BPIFC: variants seen among roughly 807,000 people sequenced by gnomAD.
The protein encoded by BPIFC is BPI fold-containing family C protein.
A neutral mutation model predicts 57.6 loss-of-function variants in BPIFC; 60 were observed. The observed-to-expected ratio is 1.04, with a 90% CI of 0.85 to 1.29. The LOEUF (loss-of-function observed/expected upper bound fraction) is 1.29. Ranked by LOEUF, BPIFC falls within the 50% of genes most tolerant of loss-of-function variation. The pLI is 0.00. For synonymous variants in BPIFC, 243 were observed against 224.5 expected (o/e 1.08, Z -0.74); for missense variants, 581 against 600.5 (o/e 0.97, Z 0.34).
rs575658270 is a variant in BPIFC, at chr22:32,446,750, T to G, written c.374+462A>C. The stretch of plus-strand genomic sequence containing the variant: ...AAGTACCTTGAATCTGATTTCCTCC[T>G]TCTACACGAGGGTGCAAAGGCCTTC... On this transcript the variant is annotated intron_variant, in intron 5 of 16. Coordinates refer to ENST00000300399, the MANE Select transcript of BPIFC (RefSeq NM_174932.3). 199 of 985,230 alleles carry G rather than the reference T, an allele frequency of 2.0e-4. 1 individual carries two copies. The African/African-American group carries it at 3.2e-3, about 16-fold the overall frequency. 61.0% of individuals were successfully genotyped at this position (985,230 alleles called of 1,614,324 possible). A position where few individuals can be genotyped will look rare whatever the true frequency, so the allele number is the denominator to read the frequency against.
chr22:32,429,343 G>C (rs1406560392), intron 13 of BPIFC, among the ~76,000 whole-genome samples: 1 of 150,558 alleles, frequency 6.6e-6, no homozygotes, highest in East Asian at 2.0e-4. Context: ...AGCAGCTGGA[G>C]CTACAGGCGC....
In BPIFC at chr22:32,429,428, G is replaced by C. The variant is rs188107668; in HGVS notation, c.1217+1919C>G. Among the ~76,000 whole-genome samples the C allele has an allele frequency of 3.3e-5, 5 of 149,680 alleles. No homozygotes were observed. The East Asian group carries it at 1.0e-3, about 30-fold the overall frequency. The stretch of plus-strand genomic sequence containing the variant: ...TCACCATGTTAGCCAGGATGGTCTC[G>C]ATCTCCTGACCTCATGATCCGCTCG... On this transcript the variant is annotated intron_variant, in intron 13 of 16. Coordinates refer to ENST00000300399, the MANE Select transcript of BPIFC (RefSeq NM_174932.3).
chr22:32,420,317 CAA>C (rs1051940782), intron 13 of BPIFC, among the ~76,000 whole-genome samples: 12 of 85,402 alleles, frequency 1.4e-4, no homozygotes, highest in Middle Eastern at 6.5e-3. Context: ...GACTCCGTCT[CAA>C]AAAAAAAAAA....
At position 32,442,610 on chromosome 22, in the gene BPIFC, G is replaced by A. The variant is rs1268457434; in HGVS notation, c.655+61C>T. 6 of 1,525,114 alleles carry A rather than the reference G, an allele frequency of 3.9e-6. No homozygotes were observed. In the Admixed American group the frequency reaches 6.8e-5, roughly 17 times the overall value. 94.5% of individuals were successfully genotyped at this position (1,525,114 alleles called of 1,614,324 possible). ...ATACCGCCTTGAAAAGCAAACCCAG[G>A]CAGTACCAGCTTTTGAAGGTAGGAA... On this transcript the variant is annotated intron_variant, in intron 8 of 16. Coordinates refer to ENST00000300399, the MANE Select transcript of BPIFC (RefSeq NM_174932.3).
rs760131514 is a variant in BPIFC, at chr22:32,457,387, C to T, written c.1-1G>A. On this transcript the variant is annotated splice_acceptor_variant, in intron 2 of 16. Transcript: ENST00000300399. LOFTEE classifies it low-confidence loss of function (5UTR_SPLICE). ...GGACTGGGATTGTCTTTGTACACAT[C>T]TGAAATTAACCAACAGTTAAGGTTC... 7 of 1,606,136 alleles carry T rather than the reference C, an allele frequency of 4.4e-6. No individual in the cohort carries two copies. The South Asian group carries it at 7.9e-5, about 18-fold the overall frequency.
At chr22:32,442,078 A>G (rs1934581162) in intron 8 of BPIFC, among the ~76,000 whole-genome samples, 1 of 152,204 alleles carries the variant, frequency 6.6e-6, no homozygotes. Flanking sequence ...TCTGTGGCCC[A>G]GGGACTGGGG....
intron 8 of BPIFC, 101 bp from the exon 9 acceptor site, chr22:32,437,952 G>T: frequency 3.1e-6 from 2 of 637,028 alleles, no homozygotes; most frequent in South Asian, 2.6e-5. Context: ...TAAATTCTCT[G>T]TTTAAAAGAT....
At position 32,433,782 on chromosome 22, in the gene BPIFC, A is replaced by G. The variant is rs762806619; in HGVS notation, c.925-10T>C. The G allele has an allele frequency of 3.7e-6, 6 of 1,612,382 alleles. No individual in the cohort carries two copies. The African/African-American group carries it at 6.7e-5, about 18-fold the overall frequency. On this transcript the variant is annotated splice_polypyrimidine_tract_variant and intron_variant, in intron 10 of 16. Coordinates refer to ENST00000300399, the MANE Select transcript of BPIFC (RefSeq NM_174932.3). ...CAAAATGGTTGGAAATCTGGAAAAT[A>G]AAGCCCATTATGTCACTGTTAGGAT...
intron 15 of BPIFC, among the ~76,000 whole-genome samples, chr22:32,416,561 C>T (rs1262189664): frequency 1.3e-5 from 2 of 152,186 alleles, no homozygotes; most frequent in African/African-American, 4.8e-5. Context: ...TTAGCCTACC[C>T]GATGTATATT....
intron 2 of BPIFC, 66 bp downstream of exon 2, chr22:32,461,508 C>G (rs1331890217): frequency 2.3e-6 from 2 of 862,460 alleles, no homozygotes; most frequent in Non-Finnish European, 2.8e-6. Context: ...GGGTGTAAAG[C>G]CCTCCATGTC....
At chr22:32,416,967 A>G (rs1933696289) in intron 15 of BPIFC, 118 bp downstream of exon 15, 2 of 948,572 alleles carry the variant, frequency 2.1e-6, no homozygotes, top group Non-Finnish European at 1.7e-6. Context: ...GATTCATGAT[A>G]ACATGATAGA....
At chr22:32,457,603 G>A (rs5754099) in intron 2 of BPIFC, among the ~76,000 whole-genome samples, 44,433 of 147,250 alleles carry the variant, frequency 0.3, 6,935 homozygotes, top group East Asian at 0.57. Flanking sequence ...CCATCCATGC[G>A]CTCTCCCACC....
At position 32,455,050 on chromosome 22, in the gene BPIFC, C is replaced by CTTTTTTTTTTTTTTTTTTTTTTTTTTTT. The variant is rs1392514246; in HGVS notation, c.125-1548_125-1547insAAAAAAAAAAAAAAAAAAAAAAAAAAAA. 1.5e-5 allele frequency among the ~76,000 whole-genome samples: 2 copies of CTTTTTTTTTTTTTTTTTTTTTTTTTTTT among 134,148 alleles called. 1 individual carries two copies. 88.0% of individuals were successfully genotyped at this position (134,148 alleles called of 152,430 possible). A position where few individuals can be genotyped will look rare whatever the true frequency, so the allele number is the denominator to read the frequency against. ...GTACTATAATTTTCATTTTCATCTCCATTTTTTTTTTTTTTTTTTGAGACA... is the reference window on the plus strand; with the variant it reads ...GTACTATAATTTTCATTTTCATCTCCTTTTTTTTTTTTTTTTTTTTTTTTTTTTATTTTTTTTTTTTTTTTTTGAGACA... On this transcript the variant is annotated intron_variant, in intron 3 of 16. Transcript: ENST00000300399.
At position 32,424,744 on chromosome 22, in the gene BPIFC, T is replaced by C. The variant is rs866483571; in HGVS notation, c.1218-5340A>G. Among the ~76,000 whole-genome samples, 89 of 77,002 alleles carry C rather than the reference T, an allele frequency of 1.2e-3. 13 individuals are homozygous for C. The highest frequency in any genetic ancestry group is 1.5e-3 in the African/African-American group (24 of 16,486). 50.5% of individuals were successfully genotyped at this position (77,002 alleles called of 152,430 possible). A position where few individuals can be genotyped will look rare whatever the true frequency, so the allele number is the denominator to read the frequency against. ...CTTCTTCTTCCTCTTCTTCTTCCTC[T>C]TCTTCTTCCTCTTCTTCTTCTTCTT... On this transcript the variant is annotated intron_variant, in intron 13 of 16. Coordinates refer to ENST00000300399, the MANE Select transcript of BPIFC (RefSeq NM_174932.3).
rs1556036088 is a variant in BPIFC, at chr22:32,423,579, T to TGTGTGG, written c.1218-4176_1218-4175insCCACAC. On this transcript the variant is annotated intron_variant, in intron 13 of 16. Coordinates refer to ENST00000300399, the MANE Select transcript of BPIFC (RefSeq NM_174932.3). ...CTTGGGAGGAGTTGTAGGGTGTGGG[T>TGTGTGG]GTGTGTGTGTGTGTGTGTGTGTGTG... is the stretch of plus-strand genomic sequence containing the variant. Among the ~76,000 whole-genome samples, 178 of 124,118 alleles carry TGTGTGG rather than the reference T, an allele frequency of 1.4e-3. 1 individual carries two copies. The highest frequency in any genetic ancestry group is 6.0e-3 in the African/African-American group (174 of 28,892). The allele number at this position is 124,118 out of a possible 152,430, so 81.4% of individuals were successfully genotyped here. A position where few individuals can be genotyped will look rare whatever the true frequency, so the allele number is the denominator to read the frequency against.
At chr22:32,416,750 G>A (rs756531367) in intron 15 of BPIFC, among the ~76,000 whole-genome samples, 1 of 152,192 alleles carries the variant, frequency 6.6e-6, no homozygotes, top group Non-Finnish European at 1.5e-5. Context: ...GAGATATCCC[G>A]TAGGGAAAAT....
At chr22:32,462,680 C>T (rs1485289475) in intron 1 of BPIFC, among the ~76,000 whole-genome samples, 1 of 152,156 alleles carries the variant, frequency 6.6e-6, no homozygotes, top group African/African-American at 2.4e-5. Flanking sequence ...GTAAGTAAGG[C>T]ACCTGGGAAC....
intron 3 of BPIFC, among the ~76,000 whole-genome samples, chr22:32,456,312 A>G (rs1935035728): frequency 1.3e-5 from 2 of 152,154 alleles, no homozygotes; most frequent in African/African-American, 4.8e-5. Flanking sequence ...AGATGGCTCA[A>G]TTTTAGATCT....
Position 32,414,316 on chromosome 22 carries a change from T to C in BPIFC, c.1511A>G (p.Lys504Arg), listed in dbSNP as rs149044521. The change falls in exon 17 of 17, where the codon AAG becomes AGG. Residue 504 changes from lysine (K) to arginine (R), a missense_variant. Physicochemically the swap from Lys to Arg is conservative, Grantham distance 26 (BLOSUM62 2). Coordinates refer to ENST00000300399, the MANE Select transcript of BPIFC (RefSeq NM_174932.3). ...LNLISRQWRG[K>R]SAP is the part of the protein sequence containing the mutation. Reference sequence around the variant, plus strand: ...GCAAACCGGCAATCAAGGGGCTGACTTCCCCCTCCACTGTCTGCTTATCAG... The same window carrying C: ...GCAAACCGGCAATCAAGGGGCTGACCTCCCCCTCCACTGTCTGCTTATCAG... 2.6e-4 allele frequency: 415 copies of C among 1,613,446 alleles called. No homozygotes were observed. In the Middle Eastern group the frequency reaches 5.0e-3, roughly 19 times the overall value.
Sources: allele counts gnomAD v4.1 joint callset (sites outside exome capture counted in the v4.1 genomes callset), GRCh38; gene constraint gnomAD v4.1.1; transcripts MANE v1.5; gene names NCBI Gene and HGNC (gene_info 2026-07-23, HGNC 2026-07-21).